Variants in DTNB observed in about 807,000 individuals in gnomAD.
DTNB encodes the protein DTN-B.
In DTNB, 63 loss-of-function variants were observed where a neutral mutation model predicts 90.7. That is an observed-to-expected ratio of 0.69 (90% CI 0.57 to 0.86). The LOEUF (loss-of-function observed/expected upper bound fraction) is 0.86. Ranked by LOEUF, DTNB falls within the 40% of genes least tolerant of loss-of-function variation. The probability of loss-of-function intolerance (pLI) is 0.00; values close to 1 mark genes in which losing one functional copy is unlikely to be tolerated. For synonymous variants in DTNB, 277 were observed against 286.7 expected (o/e 0.97, Z 0.34); for missense variants, 744 against 807.1 (o/e 0.92, Z 0.95).
chr2:25,403,676 A>C (rs888504899), intron 16 of DTNB, among the ~76,000 whole-genome samples: 2 of 152,218 alleles, frequency 1.3e-5, no homozygotes, highest in Non-Finnish European at 2.9e-5. Context: ...CTTATGGGTA[A>C]GCCAAATTTG....
chr2:25,567,675 C>T (rs1559058247), intron 8 of DTNB, among the ~76,000 whole-genome samples: 1 of 152,118 alleles, frequency 6.6e-6, no homozygotes, highest in Non-Finnish European at 1.5e-5. Context: ...CCATGAAGGC[C>T]CTCTACTAAC....
At chr2:25,469,936 A>G (rs2062481735) in intron 10 of DTNB, among the ~76,000 whole-genome samples, 1 of 152,192 alleles carries the variant, frequency 6.6e-6, no homozygotes, top group African/African-American at 2.4e-5. Context: ...GCTAAAATTT[A>G]AGGCTAGGAG....
At chr2:25,439,760 T>C (rs1049850182) in intron 12 of DTNB, among the ~76,000 whole-genome samples, 4 of 152,178 alleles carry the variant, frequency 2.6e-5, no homozygotes, top group African/African-American at 7.2e-5. Context: ...AAAATGGGAA[T>C]ATTTAGTGAA....
chr2:25,410,934 CTTT>C (rs34571788), intron 16 of DTNB, among the ~76,000 whole-genome samples: 19 of 132,460 alleles, frequency 1.4e-4, no homozygotes, highest in Admixed American at 3.0e-4. Flanking sequence ...ACTGCCTTTT[CTTT>C]TTTTTTTTTT....
At chr2:25,477,883 C>T (rs1023341491) in intron 10 of DTNB, among the ~76,000 whole-genome samples, 4 of 152,034 alleles carry the variant, frequency 2.6e-5, no homozygotes, top group Non-Finnish European at 5.9e-5. Flanking sequence ...TTCTTCTGGG[C>T]TTGTCTTACT....
At chr2:25,460,144 AGT>A (rs1341576004) in intron 10 of DTNB, among the ~76,000 whole-genome samples, 1 of 152,124 alleles carries the variant, frequency 6.6e-6, no homozygotes, top group East Asian at 1.9e-4. Context: ...TTGATCTCAT[AGT>A]CAGGAAGTGG....
chr2:25,534,142 C>T (rs993323597), intron 8 of DTNB, among the ~76,000 whole-genome samples: 6 of 152,104 alleles, frequency 3.9e-5, no homozygotes, highest in Non-Finnish European at 5.9e-5. Flanking sequence ...GAGGTCCCTG[C>T]GGCCTTTGGC....
intron 16 of DTNB, among the ~76,000 whole-genome samples, chr2:25,416,808 G>C (rs924603932): frequency 3.2e-5 from 3 of 93,564 alleles, no homozygotes; most frequent in South Asian, 3.7e-4. Flanking sequence ...AAGGAACGAA[G>C]GAAGGAAGGA....
intron 11 of DTNB, among the ~76,000 whole-genome samples, chr2:25,452,677 G>A (rs981525405): frequency 2.6e-5 from 4 of 151,472 alleles, no homozygotes; most frequent in Non-Finnish European, 5.9e-5. Flanking sequence ...GGAAGGGTGT[G>A]GCTAAATCAA....
chr2:25,640,057 G>C (rs2077925008), intron 2 of DTNB, among the ~76,000 whole-genome samples: 1 of 152,210 alleles, frequency 6.6e-6, no homozygotes, highest in Admixed American at 6.5e-5. Context: ...ACTGAACGCT[G>C]TTCTGAGTCT....
intron 6 of DTNB, among the ~76,000 whole-genome samples, chr2:25,589,367 C>CTTT (rs1169808182): frequency 0.011 from 622 of 57,534 alleles, 123 homozygotes; most frequent in East Asian, 0.023. Flanking sequence ...TTTTTCTTTT[C>CTTT]TTTTTTTTTT....
chr2:25,530,314 A>G (rs1054593787), intron 9 of DTNB, among the ~76,000 whole-genome samples: 3 of 152,122 alleles, frequency 2.0e-5, no homozygotes, highest in Non-Finnish European at 4.4e-5. Flanking sequence ...GCCTGCACCT[A>G]TAGTCCCAGC....
intron 13 of DTNB, among the ~76,000 whole-genome samples, chr2:25,433,503 G>A (rs1289802898): frequency 6.6e-6 from 1 of 151,766 alleles, no homozygotes; most frequent in East Asian, 1.9e-4. Context: ...TCTGCTCTCT[G>A]TGCCGTTAAA....
At chr2:25,568,030 C>T (rs1382258485) in intron 8 of DTNB, among the ~76,000 whole-genome samples, 9 of 152,000 alleles carry the variant, frequency 5.9e-5, no homozygotes, top group South Asian at 4.1e-4. Context: ...TGGTGGTACG[C>T]GCCTGTAGTC....
intron 12 of DTNB, among the ~76,000 whole-genome samples, chr2:25,448,400 T>G (rs1264635544): frequency 6.6e-6 from 1 of 152,072 alleles, no homozygotes; most frequent in African/African-American, 2.4e-5. Context: ...AGTAAAGAAT[T>G]GAAAAAGGAG....
chr2:25,454,237 ATCAGGAAAAC>A (rs2059678995), intron 11 of DTNB, among the ~76,000 whole-genome samples: 2 of 152,204 alleles, frequency 1.3e-5, no homozygotes, highest in Admixed American at 6.5e-5. Flanking sequence ...ATTTAGTCAT[ATCAGGAAAAC>A]TATGGAAAAC....
At position 25,579,526 on chromosome 2, in the gene DTNB, ATGGC is replaced by A. The variant is rs544297549; in HGVS notation, c.709+1191_709+1194del. On this transcript the variant is annotated intron_variant, in intron 7 of 20. Coordinates refer to ENST00000406818, the MANE Select transcript of DTNB (RefSeq NM_021907.5). ...GAGAGGGAAGGTTACTAGAAACACA[ATGGC>A]CTTCCCCTTAACAAACTCCAACAAC... Among the ~76,000 whole-genome samples, 12 of 152,330 alleles carry A rather than the reference ATGGC, an allele frequency of 7.9e-5. No homozygotes were observed. The South Asian group carries it at 2.5e-3, about 32-fold the overall frequency.
chr2:25,616,383 T>C (rs1056156471), intron 4 of DTNB, among the ~76,000 whole-genome samples: 10 of 152,128 alleles, frequency 6.6e-5, no homozygotes, highest in Admixed American at 1.3e-4. Context: ...GAAACACTAA[T>C]ATTTTACAAC....
Position 25,576,934 on chromosome 2 carries a change from C to T in DTNB, c.780G>A (p.Gln260=), listed in dbSNP as rs2060773056. The change falls in exon 8 of 21, where the codon CAG becomes CAA. Residue 260 remains glutamine (Q), a synonymous_variant. Coordinates refer to ENST00000406818, the MANE Select transcript of DTNB (RefSeq NM_021907.5). ...SMMGFRYRCQ[Q]CHNYQLCQNC... Reference sequence around the variant, plus strand: ...TCTGGCAGAGCTGATAGTTGTGGCACTGCTGGCATCGGTACCGGAAACCCA... The same window carrying T: ...TCTGGCAGAGCTGATAGTTGTGGCATTGCTGGCATCGGTACCGGAAACCCA... 7 of 1,612,688 alleles carry T rather than the reference C, an allele frequency of 4.3e-6. No individual in the cohort carries two copies. In the South Asian group the frequency reaches 6.6e-5, roughly 15 times the overall value.
Sources: gnomAD v4.1 joint callset for allele counts (sites outside exome capture counted in the v4.1 genomes callset) on GRCh38, gnomAD v4.1.1 for gene constraint, MANE v1.5 for transcripts, NCBI Gene and HGNC (gene_info 2026-07-23, HGNC 2026-07-21) for gene names.